Variants in SERPINI1 observed in about 807,000 individuals in gnomAD.
The protein encoded by SERPINI1 is neuroserpin.
A neutral mutation model predicts 41.1 loss-of-function variants in SERPINI1; 19 were observed. The observed-to-expected ratio is 0.46, with a 90% CI of 0.32 to 0.68. The LOEUF (loss-of-function observed/expected upper bound fraction) is 0.68, where lower values mean the gene tolerates loss of function less well. Among genes scored for constraint, SERPINI1 ranks in the 30% least tolerant of loss-of-function variants. The pLI, the probability that SERPINI1 is intolerant of heterozygous loss-of-function variation, is 0.03. For missense variants in SERPINI1, 460 were observed against 479.2 expected, an observed-to-expected ratio of 0.96 and a Z score of 0.37; for synonymous variants, 138 against 156.6, an observed-to-expected ratio of 0.88 and a Z score of 0.89.
At chr3:167,786,666 C>T (rs912587086) in intron 1 of SERPINI1, among the ~76,000 whole-genome samples, 4 of 151,876 alleles carry the variant, frequency 2.6e-5, no homozygotes, top group Non-Finnish European at 4.4e-5. Context: ...TGTATGTTAC[C>T]GTAGAATTTA....
intron 1 of SERPINI1, among the ~76,000 whole-genome samples, chr3:167,737,981 A>G (rs1040704578): frequency 6.6e-6 from 1 of 152,112 alleles, no homozygotes; most frequent in East Asian, 1.9e-4. Context: ...ATGTTTTTAT[A>G]TGAGAGAATA....
intron 1 of SERPINI1, among the ~76,000 whole-genome samples, chr3:167,744,264 TAC>T (rs1463137810): frequency 2.0e-5 from 3 of 152,106 alleles, no homozygotes; most frequent in African/African-American, 7.2e-5. Context: ...AATGAGATTT[TAC>T]ACAGAGTGCA....
intron 1 of SERPINI1, among the ~76,000 whole-genome samples, chr3:167,788,430 C>T (rs541989744): frequency 2.0e-5 from 3 of 152,156 alleles, no homozygotes; most frequent in Non-Finnish European, 4.4e-5. Flanking sequence ...TGGACTGTGT[C>T]GTAGCAAGAA....
intron 5 of SERPINI1, among the ~76,000 whole-genome samples, chr3:167,803,946 C>G (rs1335589187): frequency 6.6e-6 from 1 of 152,174 alleles, no homozygotes; most frequent in East Asian, 1.9e-4. Flanking sequence ...GTTTTATGCT[C>G]TTGCAAGTTT....
chr3:167,764,360 A>C (rs1249558085), intron 1 of SERPINI1, among the ~76,000 whole-genome samples: 4 of 152,194 alleles, frequency 2.6e-5, no homozygotes, highest in African/African-American at 7.2e-5. Flanking sequence ...GGTGGAAGGC[A>C]AGGAGGAGCA....
At chr3:167,772,823 A>ACTATCT (rs1726804629) in intron 1 of SERPINI1, among the ~76,000 whole-genome samples, 1 of 23,640 alleles carries the variant, frequency 4.2e-5, no homozygotes, top group Non-Finnish European at 8.2e-5. Context: ...GTATCTTGAG[A>ACTATCT]CTCTCTCTCT....
At chr3:167,774,727 C>T (rs1726905776) in intron 1 of SERPINI1, among the ~76,000 whole-genome samples, 1 of 152,178 alleles carries the variant, frequency 6.6e-6, no homozygotes, top group African/African-American at 2.4e-5. Context: ...GAGAATCTAA[C>T]TAATGCCTGA....
At chr3:167,811,458 TAA>T (rs11361725) in intron 6 of SERPINI1, among the ~76,000 whole-genome samples, 33 of 146,034 alleles carry the variant, frequency 2.3e-4, no homozygotes, top group Middle Eastern at 3.5e-3. Flanking sequence ...ATGAAATGGC[TAA>T]AAAAAAAAAG....
intron 1 of SERPINI1, among the ~76,000 whole-genome samples, chr3:167,783,867 T>C (rs1727219698): frequency 6.6e-6 from 1 of 152,204 alleles, no homozygotes; most frequent in South Asian, 2.1e-4. Flanking sequence ...TAGACACGTG[T>C]GTTTCCAGAG....
intron 1 of SERPINI1, among the ~76,000 whole-genome samples, chr3:167,779,713 G>T (rs1047375333): frequency 6.6e-6 from 1 of 151,930 alleles, no homozygotes; most frequent in African/African-American, 2.4e-5. Flanking sequence ...TCTGTCCATG[G>T]TTATGCCCTT....
chr3:167,820,940 C>A (rs73036884), intron 6 of SERPINI1, among the ~76,000 whole-genome samples: 17,602 of 152,148 alleles, frequency 0.12, 1,329 homozygotes, highest in African/African-American at 0.2. Context: ...CTATAAAAAC[C>A]CCCAAACTCA....
At chr3:167,816,759 AGAG>A (rs1712103689) in intron 6 of SERPINI1, among the ~76,000 whole-genome samples, 1 of 152,168 alleles carries the variant, frequency 6.6e-6, no homozygotes, top group Admixed American at 6.5e-5. Flanking sequence ...TTTAGGAATT[AGAG>A]GAGAGCAGAA....
intron 6 of SERPINI1, among the ~76,000 whole-genome samples, chr3:167,820,330 C>T (rs567800196): frequency 6.6e-6 from 1 of 152,208 alleles, no homozygotes; most frequent in African/African-American, 2.4e-5. Flanking sequence ...TGGAAGCCTG[C>T]CCCCTTCTGA....
rs141334284 is a variant in SERPINI1 at position 167,770,855 on chromosome 3, G to A, written c.-18-18256G>A. Among the ~76,000 whole-genome samples, 28 of 152,142 alleles carry A rather than the reference G, an allele frequency of 1.8e-4. 1 individual carries two copies. Among genetic ancestry groups the A allele is most frequent in the African/African-American group, 6.5e-4 (27 of 41,526 alleles). ...TCACTAACCTTTATTTCTATGTTAC[G>A]TTTGTTGAAACTGATCAACTGTCCT... On this transcript the variant is annotated intron_variant, in intron 1 of 8. Transcript: ENST00000446050.
chr3:167,795,262 C>A (rs1727674906), intron 5 of SERPINI1, among the ~76,000 whole-genome samples: 2 of 152,134 alleles, frequency 1.3e-5, no homozygotes, highest in African/African-American at 4.8e-5. Flanking sequence ...GAACTGCAAG[C>A]AAGTCACTGT....
At chr3:167,775,682 C>A (rs1477491676) in intron 1 of SERPINI1, among the ~76,000 whole-genome samples, 1 of 138,480 alleles carries the variant, frequency 7.2e-6, no homozygotes, top group Non-Finnish European at 1.5e-5. Context: ...TCTCCTTGAA[C>A]AATGTAGACC....
intron 1 of SERPINI1, among the ~76,000 whole-genome samples, 161 bp from the exon 2 acceptor site, chr3:167,788,950 A>G (rs1019004138): frequency 2.6e-5 from 4 of 152,338 alleles, no homozygotes; most frequent in Middle Eastern, 3.4e-3. Context: ...GGTGGGGACC[A>G]TGGTATCTTG....
chr3:167,754,570 G>A (rs1268612998), intron 1 of SERPINI1, among the ~76,000 whole-genome samples: 1 of 152,122 alleles, frequency 6.6e-6, no homozygotes, highest in Non-Finnish European at 1.5e-5. Context: ...TTGGCCATAA[G>A]GAAATCCACA....
chr3:167,772,784 T>G (rs915045160), intron 1 of SERPINI1, among the ~76,000 whole-genome samples: 3 of 145,546 alleles, frequency 2.1e-5, no homozygotes, highest in African/African-American at 7.6e-5. Flanking sequence ...GAAAATTGCT[T>G]GAATAGCCAT....
Sources: allele counts gnomAD v4.1 joint callset (sites outside exome capture counted in the v4.1 genomes callset), GRCh38; gene constraint gnomAD v4.1.1; transcripts MANE v1.5; gene names NCBI Gene and HGNC (gene_info 2026-07-23, HGNC 2026-07-21).